The following GIPC2 variants were observed in gnomAD, a reference collection of about 807,000 sequenced individuals.
The protein encoded by GIPC2 is PDZ domain-containing protein GIPC2.
In GIPC2, 30 loss-of-function variants were observed where a neutral mutation model predicts 30.6. The observed-to-expected ratio is 0.98, with a 90% CI of 0.73 to 1.33. GIPC2 has a LOEUF of 1.33. GIPC2 is among the 40% of genes most tolerant of loss of function. The pLI is 0.00. For missense variants in GIPC2, 414 were observed against 390.3 expected (o/e 1.06, Z -0.51); for synonymous variants, 167 against 150.0 (o/e 1.11, Z -0.83).
At chr1:78,120,293 C>A (rs1461774624) in intron 4 of GIPC2, among the ~76,000 whole-genome samples, 1 of 152,186 alleles carries the variant, frequency 6.6e-6, no homozygotes, top group Non-Finnish European at 1.5e-5. Context: ...GATCTCCTTG[C>A]TGTTCCCAAA....
At chr1:78,055,490 G>T (rs373326069) in intron 1 of GIPC2, among the ~76,000 whole-genome samples, 1 of 152,140 alleles carries the variant, frequency 6.6e-6, no homozygotes, top group Non-Finnish European at 1.5e-5. Flanking sequence ...ATACTGTAGA[G>T]AACTGAGAGC....
chr1:78,052,654 T>C (rs1661217439), intron 1 of GIPC2, among the ~76,000 whole-genome samples: 1 of 152,238 alleles, frequency 6.6e-6, no homozygotes, highest in South Asian at 2.1e-4. Flanking sequence ...TACAACACGA[T>C]GTTTTGATAT....
At chr1:78,065,182 C>T (rs1386063552) in intron 1 of GIPC2, among the ~76,000 whole-genome samples, 2 of 152,070 alleles carry the variant, frequency 1.3e-5, no homozygotes, top group African/African-American at 4.8e-5. Context: ...TTATGTTGCC[C>T]AGGGTTAGTC....
chr1:78,131,742 C>G (rs1220638199), intron 5 of GIPC2, among the ~76,000 whole-genome samples: 9 of 152,002 alleles, frequency 5.9e-5, no homozygotes, highest in Admixed American at 5.9e-4. Context: ...TTCACCAAAC[C>G]CAGCTGAGGA....
At chr1:78,124,976 C>G (rs142182096) in intron 4 of GIPC2, among the ~76,000 whole-genome samples, 1,802 of 152,208 alleles carry the variant, frequency 0.012, 45 homozygotes, top group African/African-American at 0.041. Context: ...GACTCTGTCT[C>G]AAACAAAACA....
At chr1:78,095,748 G>A (rs1163130785) in intron 3 of GIPC2, among the ~76,000 whole-genome samples, 1 of 152,128 alleles carries the variant, frequency 6.6e-6, no homozygotes, top group Non-Finnish European at 1.5e-5. Context: ...AAATGTGCCA[G>A]CTTCTCTCTT....
chr1:78,060,602 C>T (rs867471532), intron 1 of GIPC2, among the ~76,000 whole-genome samples: 1 of 152,200 alleles, frequency 6.6e-6, no homozygotes. Flanking sequence ...TTTTGTGCTG[C>T]ATTCATTTAC....
intron 1 of GIPC2, among the ~76,000 whole-genome samples, chr1:78,061,299 C>A (rs1307637219): frequency 6.6e-6 from 1 of 152,058 alleles, no homozygotes; most frequent in African/African-American, 2.4e-5. Context: ...AAAGAGGAAG[C>A]CAATTGAAGG....
intron 1 of GIPC2, among the ~76,000 whole-genome samples, chr1:78,080,394 A>T (rs1419786718): frequency 3.3e-5 from 5 of 152,162 alleles, no homozygotes; most frequent in Admixed American, 3.3e-4. Context: ...GGTGATACCA[A>T]TGTCCTTTAT....
chr1:78,045,657 C>T (rs548229269), upstream of GIPC2: 9 of 985,474 alleles, frequency 9.1e-6, no homozygotes, highest in South Asian at 3.8e-4. Flanking sequence ...AAATCCCTAT[C>T]CCCGAAAGTC....
intron 1 of GIPC2, among the ~76,000 whole-genome samples, chr1:78,058,355 G>A (rs1661333512): frequency 6.6e-6 from 1 of 152,168 alleles, no homozygotes; most frequent in African/African-American, 2.4e-5. Flanking sequence ...AGAGTTGGAA[G>A]AGTCTTTATT....
intron 1 of GIPC2, among the ~76,000 whole-genome samples, chr1:78,046,999 C>T (rs1274410985): frequency 6.6e-6 from 1 of 152,174 alleles, no homozygotes; most frequent in African/African-American, 2.4e-5. Context: ...CATACTTAAT[C>T]ACGTGGGACT....
At chr1:78,133,288 G>A (rs535451567) in intron 5 of GIPC2, among the ~76,000 whole-genome samples, 1 of 152,308 alleles carries the variant, frequency 6.6e-6, no homozygotes, top group Admixed American at 6.5e-5. Context: ...TGTCAGTGCA[G>A]AGCAATGTTG....
At chr1:78,134,555 C>T (rs1199053370) in intron 5 of GIPC2, among the ~76,000 whole-genome samples, 1 of 152,094 alleles carries the variant, frequency 6.6e-6, no homozygotes, top group Non-Finnish European at 1.5e-5. Context: ...TCTACTAGTT[C>T]ACTGCACCCC....
chr1:78,126,660 A>G (rs1662788704), intron 5 of GIPC2, among the ~76,000 whole-genome samples: 1 of 151,986 alleles, frequency 6.6e-6, no homozygotes, highest in Non-Finnish European at 1.5e-5. Context: ...TCAGGATATG[A>G]TTTCTCTTCT....
upstream of GIPC2, chr1:78,045,162 T>C (rs929786945): frequency 1.1e-5 from 8 of 699,058 alleles, no homozygotes; most frequent in Non-Finnish European, 1.4e-5. Context: ...TTCACTCCAC[T>C]GAAATTGCAT....
At chr1:78,100,958 A>ACG (rs1191649777) in intron 3 of GIPC2, among the ~76,000 whole-genome samples, 1 of 150,254 alleles carries the variant, frequency 6.7e-6, no homozygotes, top group African/African-American at 2.5e-5. Flanking sequence ...ACACACACAC[A>ACG]CACACACACA....
chr1:78,103,966 C>T (rs1662297576), intron 3 of GIPC2, among the ~76,000 whole-genome samples: 1 of 152,156 alleles, frequency 6.6e-6, no homozygotes, highest in Admixed American at 6.5e-5. Flanking sequence ...TTTGCGATCT[C>T]AGGTGAAAGG....
At chr1:78,050,587 T>C (rs1402523941) in intron 1 of GIPC2, among the ~76,000 whole-genome samples, 1 of 151,994 alleles carries the variant, frequency 6.6e-6, no homozygotes, top group Admixed American at 6.6e-5. Flanking sequence ...AACTCCTACA[T>C]AAATGCAAAG....
Sources: gnomAD v4.1 joint callset for allele counts (sites outside exome capture counted in the v4.1 genomes callset) on GRCh38, gnomAD v4.1.1 for gene constraint, MANE v1.5 for transcripts, NCBI Gene and HGNC (gene_info 2026-07-23, HGNC 2026-07-21) for gene names.